SPAG16: variants seen among roughly 807,000 people sequenced by gnomAD.
The protein encoded by SPAG16 is sperm-associated antigen 16 protein.
A neutral mutation model predicts 80.4 loss-of-function variants in SPAG16; 86 were observed. That is an observed-to-expected ratio of 1.07 (90% CI 0.90 to 1.28). SPAG16 has a LOEUF of 1.28. SPAG16 is among the 50% of genes most tolerant of loss of function. The pLI, the probability that SPAG16 is intolerant of heterozygous loss-of-function variation, is 0.00. For synonymous variants in SPAG16, 294 were observed against 265.9 expected (o/e 1.11, Z -1.03); for missense variants, 870 against 765.3 (o/e 1.14, Z -1.61).
chr2:213,899,548 G>C (rs769798332), intron 11 of SPAG16, among the ~76,000 whole-genome samples: 1 of 152,074 alleles, frequency 6.6e-6, no homozygotes, highest in Non-Finnish European at 1.5e-5. Flanking sequence ...TGGGATTCTA[G>C]AATTCTGTGA....
chr2:213,499,902 T>C (rs1215194379), intron 10 of SPAG16, among the ~76,000 whole-genome samples: 1 of 152,192 alleles, frequency 6.6e-6, no homozygotes, highest in Non-Finnish European at 1.5e-5. Context: ...TGTCCCTGTT[T>C]CCAGACACTG....
At chr2:213,803,737 T>TTATG (rs1401170207) in intron 10 of SPAG16, among the ~76,000 whole-genome samples, 1 of 152,216 alleles carries the variant, frequency 6.6e-6, no homozygotes, top group Non-Finnish European at 1.5e-5. Flanking sequence ...TAAAAATGTA[T>TTATG]TATGTATGTA....
intron 10 of SPAG16, among the ~76,000 whole-genome samples, chr2:213,779,761 AG>A (rs2069827718): frequency 6.6e-6 from 1 of 152,300 alleles, no homozygotes; most frequent in Admixed American, 6.5e-5. Flanking sequence ...AGCTCTTGGT[AG>A]GGATAACATC....
chr2:213,818,009 C>T (rs767032633), intron 10 of SPAG16, among the ~76,000 whole-genome samples: 2 of 152,084 alleles, frequency 1.3e-5, no homozygotes, highest in South Asian at 2.1e-4. Context: ...AACTGGAAGG[C>T]GTTAAATGCT....
intron 10 of SPAG16, among the ~76,000 whole-genome samples, chr2:213,836,159 A>C (rs553805120): frequency 7.0e-6 from 1 of 143,376 alleles, no homozygotes; most frequent in African/African-American, 2.6e-5. Flanking sequence ...TAAAAACTTA[A>C]GGAATTTTCA....
chr2:213,648,403 C>T (rs1323416636), intron 10 of SPAG16, among the ~76,000 whole-genome samples: 1 of 152,180 alleles, frequency 6.6e-6, no homozygotes, highest in African/African-American at 2.4e-5. Context: ...ATCTGCCACA[C>T]TAACCTCAAA....
intron 10 of SPAG16, among the ~76,000 whole-genome samples, chr2:213,779,574 C>T (rs531589070): frequency 2.6e-5 from 4 of 152,242 alleles, no homozygotes; most frequent in East Asian, 1.9e-4. Flanking sequence ...GGAGAGGTAA[C>T]CGCTCCTTCA....
At chr2:214,366,669 A>G (rs1418097664) in intron 15 of SPAG16, among the ~76,000 whole-genome samples, 2 of 152,182 alleles carry the variant, frequency 1.3e-5, no homozygotes, top group Non-Finnish European at 2.9e-5. Flanking sequence ...CATAAAATCA[A>G]CCAAACATGG....
chr2:213,987,712 T>G (rs1332121063), intron 12 of SPAG16, among the ~76,000 whole-genome samples: 2 of 151,436 alleles, frequency 1.3e-5, no homozygotes, highest in Non-Finnish European at 2.9e-5. Flanking sequence ...GCACACATTT[T>G]CAAAAGGTAT....
chr2:213,785,994 C>G (rs888006761), intron 10 of SPAG16, among the ~76,000 whole-genome samples: 8 of 148,996 alleles, frequency 5.4e-5, no homozygotes, highest in African/African-American at 2.0e-4. Flanking sequence ...GCGACAAGAG[C>G]AAAACTCCGT....
intron 14 of SPAG16, among the ~76,000 whole-genome samples, chr2:214,137,951 C>A (rs1384524122): frequency 2.0e-5 from 3 of 152,006 alleles, no homozygotes; most frequent in Non-Finnish European, 4.4e-5. Context: ...AATTAAAAAA[C>A]CCCAAATCAA....
Position 214,043,885 on chromosome 2 carries a change from T to C in SPAG16, c.1527+29808T>C, listed in dbSNP as rs570028062. 2.0e-5 allele frequency among the ~76,000 whole-genome samples: 3 copies of C among 152,230 alleles called. No homozygotes were observed. In the South Asian group the frequency reaches 6.2e-4, roughly 32 times the overall value. On this transcript the variant is annotated intron_variant, in intron 13 of 15. Coordinates refer to ENST00000331683, the MANE Select transcript of SPAG16 (RefSeq NM_024532.5). ...TATACACACTTATATGTTCATGTAA[T>C]ACACACAAGCATATGTATACATATA...
chr2:213,634,505 A>AT (rs1196459844), intron 10 of SPAG16, among the ~76,000 whole-genome samples: 1 of 152,162 alleles, frequency 6.6e-6, no homozygotes. Context: ...TGTACTTACT[A>AT]TTACCAGTGA....
chr2:214,238,194 A>G (rs772629463), intron 15 of SPAG16: 2 of 435,428 alleles, frequency 4.6e-6, no homozygotes, highest in South Asian at 3.3e-5. Context: ...AGCTTTCTTG[A>G]TGTTACCTCA....
intron 9 of SPAG16, among the ~76,000 whole-genome samples, chr2:213,384,992 G>T (rs1473118649): frequency 6.6e-6 from 1 of 152,108 alleles, no homozygotes; most frequent in Non-Finnish European, 1.5e-5. Flanking sequence ...TTTCTCAGGA[G>T]TCTATAATCT....
chr2:213,685,629 C>T (rs974947461), intron 10 of SPAG16, among the ~76,000 whole-genome samples: 2 of 149,408 alleles, frequency 1.3e-5, no homozygotes, highest in Non-Finnish European at 3.0e-5. Flanking sequence ...AGAATAAGAG[C>T]AACTTGATCT....
intron 14 of SPAG16, among the ~76,000 whole-genome samples, chr2:214,131,003 C>G (rs1029610458): frequency 1.3e-5 from 2 of 152,142 alleles, no homozygotes; most frequent in African/African-American, 4.8e-5. Flanking sequence ...ATTTGGCAGC[C>G]AGGAAGTTGG....
At chr2:214,140,058 TG>T (rs2055269076) in intron 14 of SPAG16, among the ~76,000 whole-genome samples, 1 of 152,202 alleles carries the variant, frequency 6.6e-6, no homozygotes, top group Admixed American at 6.5e-5. Flanking sequence ...CCTGTCTCCC[TG>T]AAATGTATAA....
At chr2:213,807,436 C>G (rs573688892) in intron 10 of SPAG16, among the ~76,000 whole-genome samples, 1 of 152,204 alleles carries the variant, frequency 6.6e-6, no homozygotes, top group East Asian at 1.9e-4. Context: ...TATCCCAGCC[C>G]ACTTCTCTCT....
Sources: gnomAD v4.1 joint callset for allele counts (sites outside exome capture counted in the v4.1 genomes callset) on GRCh38, gnomAD v4.1.1 for gene constraint, MANE v1.5 for transcripts, NCBI Gene and HGNC (gene_info 2026-07-23, HGNC 2026-07-21) for gene names.